The following SUCLG2 variants were observed in gnomAD, a reference collection of about 807,000 sequenced individuals.
The protein encoded by SUCLG2 is succinate-CoA ligase GDP-forming subunit beta.
SUCLG2 carries 42 observed loss-of-function variants against 47.9 expected under a neutral mutation model. That is an observed-to-expected ratio of 0.88 (90% CI 0.69 to 1.14). The LOEUF (loss-of-function observed/expected upper bound fraction) is 1.14. SUCLG2 is among the 50% of genes most tolerant of loss of function. The pLI, the probability that SUCLG2 is intolerant of heterozygous loss-of-function variation, is 0.00. For synonymous variants in SUCLG2, 195 were observed against 197.3 expected (o/e 0.99, Z 0.10); for missense variants, 571 against 525.9 (o/e 1.09, Z -0.84).
intron 10 of SUCLG2, among the ~76,000 whole-genome samples, chr3:67,397,142 T>C (rs1288785288): frequency 6.6e-6 from 1 of 151,750 alleles, no homozygotes; most frequent in Non-Finnish European, 1.5e-5. Flanking sequence ...TCACCACTCC[T>C]ATTCAACATA....
At chr3:67,363,715 T>C (rs1701839197) in intron 10 of SUCLG2, among the ~76,000 whole-genome samples, 1 of 152,096 alleles carries the variant, frequency 6.6e-6, no homozygotes, top group Non-Finnish European at 1.5e-5. Context: ...CTGTGGTTTT[T>C]GAAAAAATAT....
At chr3:67,589,152 C>A (rs566438481) in intron 2 of SUCLG2, among the ~76,000 whole-genome samples, 13 of 152,346 alleles carry the variant, frequency 8.5e-5, no homozygotes, top group Admixed American at 2.6e-4. Flanking sequence ...CTTCTTGCAG[C>A]TGTTGAGCAT....
chr3:67,644,004 TTGACCCAC>T (rs1182083516), intron 1 of SUCLG2, among the ~76,000 whole-genome samples: 1 of 152,184 alleles, frequency 6.6e-6, no homozygotes, highest in African/African-American at 2.4e-5. Flanking sequence ...TGTGCTGCAT[TTGACCCAC>T]TGAAAGAATC....
chr3:67,575,651 G>T (rs981659977), intron 2 of SUCLG2, among the ~76,000 whole-genome samples: 1 of 152,166 alleles, frequency 6.6e-6, no homozygotes, highest in South Asian at 2.1e-4. Flanking sequence ...TTATACACTT[G>T]AAATGGGTAA....
Position 67,378,181 on chromosome 3 carries a change from G to C in SUCLG2, c.1184-2322C>G, listed in dbSNP as rs1018201545. ...TGCTGTGGAAGGCAGCTTCTAAAAT[G>C]GTTTTCAAAGATCAATCACTCTTGC... is the stretch of plus-strand genomic sequence containing the variant. On this transcript the variant is annotated intron_variant, in intron 10 of 10. Transcript: ENST00000307227. 5.9e-5 allele frequency among the ~76,000 whole-genome samples: 9 copies of C among 152,248 alleles called. 1 individual carries two copies. Among genetic ancestry groups the C allele is most frequent in the Admixed American group, 2.6e-4 (4 of 15,292 alleles).
chr3:67,498,410 CAT>C (rs751860916), intron 7 of SUCLG2, 115 bp from the exon 8 acceptor site: 6 of 1,139,698 alleles, frequency 5.3e-6, no homozygotes, highest in Non-Finnish European at 6.1e-6. Context: ...TTTTTTTTCA[CAT>C]GTTACAGGCA....
chr3:67,633,462 A>C lies in SUCLG2; in HGVS notation c.84+21041T>G, dbSNP rs79021256. ...AAGTTCTAAACCAAAAGTCAGAGTT[A>C]TTATACCCTGACTCCTTCATTCTGT... On this transcript the variant is annotated intron_variant, in intron 1 of 10. Coordinates refer to ENST00000307227, the MANE Select transcript of SUCLG2 (RefSeq NM_003848.4). Among the ~76,000 whole-genome samples the C allele has an allele frequency of 6.2e-3, 941 of 152,338 alleles. 9 individuals are homozygous for C. The highest frequency in any genetic ancestry group is 0.021 in the African/African-American group (882 of 41,582).
At chr3:67,430,893 C>T (rs1216477611) in intron 9 of SUCLG2, among the ~76,000 whole-genome samples, 6 of 152,146 alleles carry the variant, frequency 3.9e-5, no homozygotes, top group Non-Finnish European at 7.3e-5. Context: ...CCTCCCAAGA[C>T]TAAATCAGGA....
chr3:67,567,984 A>G (rs1707505350), intron 2 of SUCLG2, among the ~76,000 whole-genome samples: 1 of 152,242 alleles, frequency 6.6e-6, no homozygotes, highest in Admixed American at 6.5e-5. Context: ...CGCACTGATC[A>G]GCTCTCTTAA....
At chr3:67,590,497 G>A (rs1002101107) in intron 2 of SUCLG2, among the ~76,000 whole-genome samples, 9 of 152,130 alleles carry the variant, frequency 5.9e-5, no homozygotes, top group African/African-American at 2.2e-4. Flanking sequence ...GCAGACGTGA[G>A]TGAGTTCTCA....
chr3:67,492,987 T>C (rs546742076), intron 9 of SUCLG2, among the ~76,000 whole-genome samples: 1 of 152,328 alleles, frequency 6.6e-6, no homozygotes, highest in African/African-American at 2.4e-5. Flanking sequence ...TAAATATCAG[T>C]TGATAAAAGT....
chr3:67,547,219 T>A (rs1435230614), intron 2 of SUCLG2, among the ~76,000 whole-genome samples: 1 of 152,122 alleles, frequency 6.6e-6, no homozygotes, highest in African/African-American at 2.4e-5. Context: ...AGGCAATATG[T>A]GTTAAGGAGA....
chr3:67,456,346 C>T (rs938824823), intron 9 of SUCLG2, among the ~76,000 whole-genome samples: 5 of 152,208 alleles, frequency 3.3e-5, no homozygotes, highest in Middle Eastern at 3.4e-3. Context: ...ATCAGCAAAG[C>T]GAAAGGAAAA....
chr3:67,441,560 G>A (rs1337129581), intron 9 of SUCLG2, among the ~76,000 whole-genome samples: 1 of 152,120 alleles, frequency 6.6e-6, no homozygotes, highest in African/African-American at 2.4e-5. Flanking sequence ...GAGACCCCTG[G>A]CCAGAACAAC....
At chr3:67,509,990 C>T (rs1389734516) in intron 6 of SUCLG2, among the ~76,000 whole-genome samples, 1 of 152,158 alleles carries the variant, frequency 6.6e-6, no homozygotes, top group Non-Finnish European at 1.5e-5. Flanking sequence ...AGCCAGGGTA[C>T]TTCCACTCCT....
intron 2 of SUCLG2, among the ~76,000 whole-genome samples, chr3:67,591,420 C>T (rs1218184090): frequency 6.6e-6 from 1 of 152,194 alleles, no homozygotes; most frequent in African/African-American, 2.4e-5. Flanking sequence ...TGCCCCCATC[C>T]AAATCTCACC....
intron 2 of SUCLG2, among the ~76,000 whole-genome samples, chr3:67,564,765 A>C (rs540446103): frequency 1.3e-5 from 2 of 152,320 alleles, no homozygotes; most frequent in East Asian, 3.9e-4. Context: ...GGCCCAAGAC[A>C]ATTCTTCTTC....
chr3:67,421,234 A>C (rs1703150356), intron 9 of SUCLG2, among the ~76,000 whole-genome samples: 1 of 152,172 alleles, frequency 6.6e-6, no homozygotes, highest in Non-Finnish European at 1.5e-5. Context: ...CTGTCATTAA[A>C]GACCCATTTT....
intron 1 of SUCLG2, among the ~76,000 whole-genome samples, chr3:67,621,677 G>A (rs966114094): frequency 8.5e-5 from 13 of 152,092 alleles, no homozygotes; most frequent in African/African-American, 2.9e-4. Context: ...AGAAAAAGAA[G>A]AGAGATGAGA....
Sources: gnomAD v4.1 joint callset for allele counts (sites outside exome capture counted in the v4.1 genomes callset) on GRCh38, gnomAD v4.1.1 for gene constraint, MANE v1.5 for transcripts, NCBI Gene and HGNC (gene_info 2026-07-23, HGNC 2026-07-21) for gene names.